The following CHD6 variants were observed in gnomAD, a reference collection of about 807,000 sequenced individuals.
CHD6 encodes ATP-dependent chromatin remodeler CHD6.
In CHD6, 50 loss-of-function variants were observed where a neutral mutation model predicts 276.9. The observed-to-expected ratio is 0.18, with a 90% CI of 0.14 to 0.23. The LOEUF (loss-of-function observed/expected upper bound fraction) is 0.23. CHD6 is among the 10% of genes least tolerant of loss of function. The pLI is 1.00. For synonymous variants in CHD6, 1,173 were observed against 1,229.3 expected (o/e 0.95, Z 0.96); for missense variants, 2,564 against 3,365.8 (o/e 0.76, Z 5.89).
chr20:41,564,319 CT>C (rs892691759), intron 1 of CHD6, among the ~76,000 whole-genome samples: 5 of 152,152 alleles, frequency 3.3e-5, no homozygotes, highest in Non-Finnish European at 7.4e-5. Flanking sequence ...TAAACTCCCT[CT>C]TGGGGGTATT....
chr20:41,512,839 G>A lies in CHD6; in HGVS notation c.852+7C>T. 1 of 1,613,886 alleles carries A rather than the reference G, an allele frequency of 6.2e-7. No homozygotes were observed. Among genetic ancestry groups the A allele is most frequent in the East Asian group, 2.2e-5 (1 of 44,868 alleles). The stretch of plus-strand genomic sequence containing the variant: ...CCAAGGTCAGTAACCTCATGCAAAG[G>A]CCATACCTCCGCCTGCCAGGCCAGT... On this transcript the variant is annotated splice_region_variant and intron_variant, in intron 5 of 36. Coordinates refer to ENST00000373233, the MANE Select transcript of CHD6 (RefSeq NM_032221.5).
At chr20:41,587,115 G>A (rs2082909369) in intron 1 of CHD6, among the ~76,000 whole-genome samples, 1 of 152,040 alleles carries the variant, frequency 6.6e-6, no homozygotes, top group Non-Finnish European at 1.5e-5. Flanking sequence ...ATTTAATAAG[G>A]TCATAGGCTA....
At chr20:41,595,646 G>GA (rs1473942805) in intron 1 of CHD6, among the ~76,000 whole-genome samples, 2 of 152,116 alleles carry the variant, frequency 1.3e-5, no homozygotes, top group East Asian at 3.9e-4. Context: ...TAAAGGACTA[G>GA]ACAGACAATA....
At chr20:41,418,733 C>T (rs2047084950) in intron 31 of CHD6, among the ~76,000 whole-genome samples, 1 of 152,108 alleles carries the variant, frequency 6.6e-6, no homozygotes, top group Non-Finnish European at 1.5e-5. Context: ...CAGGGCTAAT[C>T]CTCTCTGGCC....
intron 13 of CHD6, 75 bp from the exon 14 acceptor site, chr20:41,487,883 C>A (rs960217507): frequency 3.3e-6 from 5 of 1,511,404 alleles, no homozygotes; most frequent in Non-Finnish European, 4.5e-6. Context: ...GAAAATTAAG[C>A]CAGGGCATTG....
In CHD6 at chr20:41,493,721, G is replaced by A. The variant is rs1372580704; in HGVS notation, c.1180-49C>T. 7 of 1,605,610 alleles carry A rather than the reference G, an allele frequency of 4.4e-6. 1 individual carries two copies. The highest frequency in any genetic ancestry group is 1.7e-4 in the Middle Eastern group (1 of 6,034). On this transcript the variant is annotated intron_variant, in intron 9 of 36. Transcript: ENST00000373233. ...CTTAATGTTCTATTAGGTTAAAGGA[G>A]TCAGTAGTATCTGCCAACCTCTGAA...
chr20:41,426,001 T>TA (rs2047351465), intron 28 of CHD6, 92 bp downstream of exon 28: 3 of 986,662 alleles, frequency 3.0e-6, no homozygotes, highest in South Asian at 2.6e-5. Context: ...AGAGCCTCCT[T>TA]AAAAAACTAC....
chr20:41,550,233 C>A (rs965663759), intron 2 of CHD6, among the ~76,000 whole-genome samples: 12 of 152,172 alleles, frequency 7.9e-5, no homozygotes, highest in African/African-American at 2.9e-4. Context: ...GCAATTTAAG[C>A]CTTTATACAC....
At chr20:41,451,781 T>G in intron 22 of CHD6, 45 bp downstream of exon 22, 1 of 1,541,132 alleles carries the variant, frequency 6.5e-7, no homozygotes, top group Admixed American at 1.7e-5. Context: ...GGGGATGAAG[T>G]GCATGGGAAT....
Position 41,433,717 on chromosome 20 carries a change from TCTC to T in CHD6, c.4068+3554_4068+3556del, listed in dbSNP as rs576657628. 2.4e-3 allele frequency among the ~76,000 whole-genome samples: 369 copies of T among 152,288 alleles called. 2 individuals are homozygous for T. Among genetic ancestry groups the T allele is most frequent in the African/African-American group, 7.0e-3 (291 of 41,568 alleles). ...ATGGGTAAATATAGCATATTTTCCT[TCTC>T]CTCTTGAGTTTTCTAAGTGATGTTT... On this transcript the variant is annotated intron_variant, in intron 27 of 36. Coordinates refer to ENST00000373233, the MANE Select transcript of CHD6 (RefSeq NM_032221.5).
At chr20:41,597,960 C>T (rs1406982911) in intron 1 of CHD6, among the ~76,000 whole-genome samples, 1 of 152,098 alleles carries the variant, frequency 6.6e-6, no homozygotes, top group African/African-American at 2.4e-5. Flanking sequence ...ATTCTGTTAA[C>T]TGGGAATCCC....
chr20:41,461,420 T>A (rs2048544001), intron 17 of CHD6, among the ~76,000 whole-genome samples: 1 of 152,172 alleles, frequency 6.6e-6, no homozygotes, highest in Admixed American at 6.5e-5. Flanking sequence ...TGGGAGGGAC[T>A]CAGCAGGGAG....
At chr20:41,555,725 A>T (rs1352962886) in intron 1 of CHD6, among the ~76,000 whole-genome samples, 1 of 149,706 alleles carries the variant, frequency 6.7e-6, no homozygotes, top group African/African-American at 2.5e-5. Flanking sequence ...CTCACTTCCT[A>T]GATGGGATGG....
intron 1 of CHD6, among the ~76,000 whole-genome samples, chr20:41,590,086 C>T (rs2045640714): frequency 6.6e-6 from 1 of 152,124 alleles, no homozygotes; most frequent in Admixed American, 6.5e-5. Context: ...TGATGTTTGA[C>T]AAACCTGACA....
rs1335038268 is a variant in CHD6, at chr20:41,452,689, A to C, written c.3323+51T>G. 6.6e-7 allele frequency: 1 copy of C among 1,524,220 alleles called. No individual in the cohort carries two copies. The highest frequency in any genetic ancestry group is 1.4e-5 in the African/African-American group (1 of 72,580). 94.4% of individuals were successfully genotyped at this position (1,524,220 alleles called of 1,614,324 possible). On this transcript the variant is annotated intron_variant, in intron 21 of 36. Transcript: ENST00000373233. The surrounding 1 kb of genome is among the most constrained non-coding windows in gnomAD (Gnocchi z 4.2). ...AGACAAATCTCAGGGACTGAAAAAC[A>C]GAGGGGAACAAACAACAATAACAAC...
In CHD6 at chr20:41,415,465, G is replaced by T; in HGVS notation, c.6660C>A (p.Ser2220=). ...CTCCTGGGGACCCCTCTGATGAGCA[G>T]GAGAGGTCCATAGCTGACTCCCCAT... ...GWHGESAMDL[S]CSSEGSPGAT... The change falls in exon 34 of 37, where the codon TCC becomes TCA. Residue 2220 remains serine, a synonymous_variant. Transcript: ENST00000373233. The T allele has an allele frequency of 6.2e-7, 1 of 1,613,174 alleles. No homozygotes were observed. The highest frequency in any genetic ancestry group is 2.2e-5 in the East Asian group (1 of 44,868).
intron 5 of CHD6, among the ~76,000 whole-genome samples, chr20:41,504,560 C>T (rs544575244): frequency 2.2e-4 from 34 of 152,124 alleles, no homozygotes; most frequent in African/African-American, 7.5e-4. Flanking sequence ...CAGGCACAAG[C>T]CACCACACCC....
chr20:41,429,530 C>T (rs865903393), intron 27 of CHD6, among the ~76,000 whole-genome samples: 3 of 152,096 alleles, frequency 2.0e-5, no homozygotes, highest in African/African-American at 4.8e-5. Context: ...GCTGGAATAG[C>T]AAAGGGTCTG....
At chr20:41,521,768 A>G (rs1047122280) in intron 3 of CHD6, among the ~76,000 whole-genome samples, 1 of 152,218 alleles carries the variant, frequency 6.6e-6, no homozygotes, top group Non-Finnish European at 1.5e-5. Context: ...ACAGACGATG[A>G]GCCCGAAACA....
Sources: gnomAD v4.1 joint callset for allele counts (sites outside exome capture counted in the v4.1 genomes callset) on GRCh38, gnomAD v4.1.1 for gene constraint, Gnocchi (gnomAD v3.1) non-coding constraint, MANE v1.5 for transcripts, NCBI Gene and HGNC (gene_info 2026-07-23, HGNC 2026-07-21) for gene names.